The following HPSE2 variants were observed in gnomAD, a reference collection of about 807,000 sequenced individuals.
HPSE2 encodes the protein heparanase 2 (inactive).
In HPSE2, 38 loss-of-function variants were observed where a neutral mutation model predicts 60.5. The observed-to-expected ratio is 0.63, with a 90% CI of 0.48 to 0.82. HPSE2 has a LOEUF of 0.82. Ranked by LOEUF, HPSE2 falls within the 40% of genes least tolerant of loss-of-function variation. The probability of loss-of-function intolerance (pLI) is 0.00; values close to 1 mark genes in which losing one functional copy is unlikely to be tolerated. For missense variants in HPSE2, 713 were observed against 740.4 expected (o/e 0.96, Z 0.43); for synonymous variants, 295 against 293.2 (o/e 1.01, Z -0.06).
intron 3 of HPSE2, among the ~76,000 whole-genome samples, chr10:99,051,291 T>A (rs1957985817): frequency 1.3e-5 from 2 of 152,166 alleles, no homozygotes; most frequent in African/African-American, 2.4e-5. Flanking sequence ...TTTACTGCAA[T>A]GGTCTGGAAC....
At chr10:98,461,092 A>C (rs1300761344) in intron 11 of HPSE2, among the ~76,000 whole-genome samples, 1 of 152,268 alleles carries the variant, frequency 6.6e-6, no homozygotes, top group Non-Finnish European at 1.5e-5. Context: ...GAATGTTATA[A>C]ATTGATATAG....
chr10:98,824,721 G>C (rs1257108854), intron 3 of HPSE2, among the ~76,000 whole-genome samples: 1 of 152,152 alleles, frequency 6.6e-6, no homozygotes, highest in Non-Finnish European at 1.5e-5. Context: ...ATTAAATAAT[G>C]TGAGTTTTCT....
intron 7 of HPSE2, among the ~76,000 whole-genome samples, chr10:98,631,252 G>GT (rs1946358206): frequency 1.3e-5 from 2 of 152,108 alleles, no homozygotes; most frequent in Non-Finnish European, 2.9e-5. Context: ...GCAGTTGAAT[G>GT]TAATTGCAAC....
intron 6 of HPSE2, among the ~76,000 whole-genome samples, chr10:98,659,156 A>G (rs181166835): frequency 8.5e-4 from 129 of 152,180 alleles, no homozygotes; most frequent in Non-Finnish European, 1.5e-3. Context: ...GGATTTACCT[A>G]TTCTTGATAT....
At chr10:99,112,673 C>T (rs1182204476) in intron 3 of HPSE2, among the ~76,000 whole-genome samples, 4 of 152,150 alleles carry the variant, frequency 2.6e-5, no homozygotes, top group African/African-American at 7.2e-5. Flanking sequence ...CACCATACTT[C>T]CACCCTCACC....
chr10:99,171,387 G>A (rs1847302430), intron 2 of HPSE2, among the ~76,000 whole-genome samples: 1 of 152,096 alleles, frequency 6.6e-6, no homozygotes, highest in South Asian at 2.1e-4. Context: ...GTCTGGAGAA[G>A]CCCTCATGGA....
intron 1 of HPSE2, among the ~76,000 whole-genome samples, chr10:99,234,171 T>C (rs1397741611): frequency 6.6e-6 from 1 of 152,158 alleles, no homozygotes; most frequent in Non-Finnish European, 1.5e-5. Context: ...AGCTGGCTGT[T>C]CCGCCCTCGC....
intron 3 of HPSE2, among the ~76,000 whole-genome samples, chr10:98,792,110 C>T (rs1327787699): frequency 1.3e-5 from 2 of 152,076 alleles, no homozygotes; most frequent in Admixed American, 6.6e-5. Flanking sequence ...ATTTATAAAT[C>T]ACCACACTGT....
chr10:98,696,292 TAAA>T (rs71009706), intron 5 of HPSE2, among the ~76,000 whole-genome samples: 4 of 89,658 alleles, frequency 4.5e-5, no homozygotes, highest in Admixed American at 1.2e-4. Flanking sequence ...GAGGCTCCCA[TAAA>T]AAAAAAAAAA....
chr10:98,960,515 C>G (rs1955625887), intron 3 of HPSE2, among the ~76,000 whole-genome samples: 1 of 151,846 alleles, frequency 6.6e-6, no homozygotes, highest in Non-Finnish European at 1.5e-5. Flanking sequence ...TGAAAAGGGG[C>G]TGAGAATGAG....
At chr10:98,929,000 A>AAATG (rs1954567651) in intron 3 of HPSE2, among the ~76,000 whole-genome samples, 1 of 140,748 alleles carries the variant, frequency 7.1e-6, no homozygotes, top group East Asian at 2.0e-4. Context: ...ATAAATAAAT[A>AAATG]AATAAATAAA....
At chr10:99,229,167 C>T (rs1029063073) in intron 2 of HPSE2, among the ~76,000 whole-genome samples, 11 of 147,740 alleles carry the variant, frequency 7.4e-5, no homozygotes, top group African/African-American at 2.6e-4. Context: ...GAGGAGACTC[C>T]ATATCGAAAA....
intron 3 of HPSE2, among the ~76,000 whole-genome samples, chr10:98,849,418 G>A (rs1447359912): frequency 6.6e-6 from 1 of 152,196 alleles, no homozygotes; most frequent in Non-Finnish European, 1.5e-5. Context: ...AACAGAATCA[G>A]AGTAAATAAG....
At chr10:99,264,777 T>C in the HPSE2 span, among the ~76,000 whole-genome samples, 2 of 151,696 alleles carry the variant, frequency 1.3e-5, no homozygotes, top group African/African-American at 4.8e-5. Flanking sequence ...TAATTCTATA[T>C]GACAAATGCT....
rs903159028 is a variant in HPSE2 at position 99,221,290 on chromosome 10, T to C, written c.448+11058A>G. 2.0e-5 allele frequency among the ~76,000 whole-genome samples: 3 copies of C among 152,192 alleles called. No individual in the cohort carries two copies. In the South Asian group the frequency reaches 6.2e-4, roughly 31 times the overall value. On this transcript the variant is annotated intron_variant, in intron 2 of 11. Coordinates refer to ENST00000370552, the MANE Select transcript of HPSE2 (RefSeq NM_021828.5). ...CAACTAGAAGTGGGAGAGAGGTTAT[T>C]AGCATATTAGCTACCAAATAAGTGG...
chr10:99,056,853 A>T (rs1312226267), intron 3 of HPSE2, among the ~76,000 whole-genome samples: 2 of 152,336 alleles, frequency 1.3e-5, no homozygotes, highest in Non-Finnish European at 2.9e-5. Flanking sequence ...AGTTAACATG[A>T]GAAATCATAT....
intron 3 of HPSE2, among the ~76,000 whole-genome samples, chr10:98,854,938 T>G (rs1007790206): frequency 6.6e-6 from 1 of 152,210 alleles, no homozygotes; most frequent in Non-Finnish European, 1.5e-5. Context: ...ACTGGAGTTT[T>G]GACCTTTACT....
chr10:99,217,247 G>T (rs1254530693), intron 2 of HPSE2, among the ~76,000 whole-genome samples: 1 of 147,806 alleles, frequency 6.8e-6, no homozygotes, highest in Non-Finnish European at 1.5e-5. Flanking sequence ...CCCTCCTCCT[G>T]GTTCCCGGGC....
chr10:98,514,062 T>G (rs1331771609), intron 9 of HPSE2, among the ~76,000 whole-genome samples: 1 of 152,062 alleles, frequency 6.6e-6, no homozygotes, highest in African/African-American at 2.4e-5. Flanking sequence ...ATATATATAT[T>G]TATATACATA....
Sources: gnomAD v4.1 joint callset for allele counts (sites outside exome capture counted in the v4.1 genomes callset) on GRCh38, gnomAD v4.1.1 for gene constraint, MANE v1.5 for transcripts, NCBI Gene and HGNC (gene_info 2026-07-23, HGNC 2026-07-21) for gene names.